The following HPSE2 variants were observed in gnomAD, a reference collection of about 807,000 sequenced individuals.
The protein encoded by HPSE2 is inactive heparanase-2.
HPSE2 carries 38 observed loss-of-function variants against 60.5 expected under a neutral mutation model. The observed-to-expected ratio is 0.63, with a 90% CI of 0.48 to 0.82. The LOEUF is 0.82. Ranked by LOEUF, HPSE2 falls within the 40% of genes least tolerant of loss-of-function variation. HPSE2 has a pLI of 0.00. For missense variants in HPSE2, 713 were observed against 740.4 expected, an observed-to-expected ratio of 0.96 and a Z score of 0.43; for synonymous variants, 295 against 293.2, an observed-to-expected ratio of 1.01 and a Z score of -0.06.
intron 5 of HPSE2, among the ~76,000 whole-genome samples, chr10:98,706,812 CCCTGTGTTG>C (rs1948559941): frequency 6.6e-6 from 1 of 152,258 alleles, no homozygotes; most frequent in East Asian, 1.9e-4. Context: ...CTAGGAGCTA[CCCTGTGTTG>C]CCTTTATAAG....
chr10:98,610,988 C>T (rs2133966846), intron 9 of HPSE2, among the ~76,000 whole-genome samples: 1 of 152,334 alleles, frequency 6.6e-6, no homozygotes, highest in South Asian at 2.1e-4. Context: ...ACTATGTCCA[C>T]CAAATGTGCA....
At chr10:98,477,728 T>C (rs1316012810) in intron 11 of HPSE2, among the ~76,000 whole-genome samples, 1 of 152,172 alleles carries the variant, frequency 6.6e-6, no homozygotes. Context: ...ATTTATCAGG[T>C]ACAAATGATT....
intron 4 of HPSE2, among the ~76,000 whole-genome samples, chr10:98,730,154 T>C (rs1271479824): frequency 1.3e-5 from 2 of 152,178 alleles, no homozygotes; most frequent in South Asian, 2.1e-4. Context: ...GGATGTGCTT[T>C]AATCACAATA....
chr10:98,919,545 A>T (rs1182508410), intron 3 of HPSE2, among the ~76,000 whole-genome samples: 1 of 152,208 alleles, frequency 6.6e-6, no homozygotes, highest in South Asian at 2.1e-4. Flanking sequence ...AACTAAGCTA[A>T]TCTAACAGTA....
intron 3 of HPSE2, among the ~76,000 whole-genome samples, chr10:99,143,865 C>G (rs1421565700): frequency 1.3e-5 from 2 of 152,102 alleles, no homozygotes; most frequent in Non-Finnish European, 2.9e-5. Context: ...ACCATTATCT[C>G]TTTTACATTT....
At chr10:99,250,041 G>A in the HPSE2 span, among the ~76,000 whole-genome samples, 6 of 151,870 alleles carry the variant, frequency 4.0e-5, no homozygotes, top group African/African-American at 1.4e-4. Flanking sequence ...TACTCAGGAG[G>A]CTGAGGCAGG....
intron 3 of HPSE2, among the ~76,000 whole-genome samples, chr10:98,808,905 A>T (rs192253764): frequency 3.3e-5 from 5 of 152,288 alleles, no homozygotes. Flanking sequence ...GCTAGAGCTT[A>T]TCTTAACTGA....
intron 2 of HPSE2, among the ~76,000 whole-genome samples, chr10:99,207,557 A>G (rs1848800556): frequency 2.0e-5 from 3 of 152,208 alleles, no homozygotes; most frequent in Admixed American, 1.3e-4. Flanking sequence ...CAAAATTACT[A>G]AAAGTACTAA....
intron 3 of HPSE2, among the ~76,000 whole-genome samples, chr10:99,026,294 C>T (rs1714937598): frequency 6.6e-6 from 1 of 151,858 alleles, no homozygotes; most frequent in Non-Finnish European, 1.5e-5. Context: ...ATATTCCATG[C>T]CAGTGGAAAC....
intron 11 of HPSE2, among the ~76,000 whole-genome samples, chr10:98,464,613 T>A (rs1940448667): frequency 6.6e-6 from 1 of 152,220 alleles, no homozygotes; most frequent in South Asian, 2.1e-4. Context: ...ACTTGTTTGA[T>A]CCCTCACTGG....
At chr10:99,307,488 C>T in the HPSE2 span, among the ~76,000 whole-genome samples, 1 of 152,160 alleles carries the variant, frequency 6.6e-6, no homozygotes, top group African/African-American at 2.4e-5. Flanking sequence ...GAGAAGTAGA[C>T]ACCAAGTGGC....
intron 2 of HPSE2, among the ~76,000 whole-genome samples, chr10:99,163,425 T>C (rs914855327): frequency 5.9e-5 from 9 of 152,140 alleles, no homozygotes; most frequent in Non-Finnish European, 1.3e-4. Context: ...CTCCTTCCTC[T>C]TTCCACCTCC....
intron 2 of HPSE2, among the ~76,000 whole-genome samples, chr10:99,178,497 C>T (rs867633707): frequency 4.4e-5 from 6 of 136,802 alleles, no homozygotes; most frequent in East Asian, 2.2e-4. Flanking sequence ...AACACCTCTA[C>T]GCAAATAAAC....
intron 9 of HPSE2, among the ~76,000 whole-genome samples, chr10:98,563,646 A>T (rs1248913499): frequency 2.0e-5 from 3 of 152,226 alleles, no homozygotes; most frequent in Non-Finnish European, 4.4e-5. Context: ...TACAAAGAAG[A>T]AACAACTTAC....
intron 2 of HPSE2, among the ~76,000 whole-genome samples, chr10:99,201,381 C>G (rs890834273): frequency 6.6e-5 from 10 of 152,108 alleles, no homozygotes; most frequent in African/African-American, 2.4e-4. Context: ...GCAACCTCAC[C>G]ACTATTCTAT....
At chr10:98,641,281 T>C (rs1044124314) in intron 7 of HPSE2, among the ~76,000 whole-genome samples, 3 of 152,132 alleles carry the variant, frequency 2.0e-5, no homozygotes, top group Admixed American at 2.0e-4. Context: ...AACAAATACT[T>C]CATATTAAAA....
intron 3 of HPSE2, among the ~76,000 whole-genome samples, chr10:99,010,301 G>GA (rs1202693514): frequency 6.6e-6 from 1 of 152,130 alleles, no homozygotes; most frequent in Non-Finnish European, 1.5e-5. Flanking sequence ...CATACTTGGG[G>GA]AAAAATGACC....
Position 98,615,054 on chromosome 10 carries a change from T to G in HPSE2, c.1206-36A>C, listed in dbSNP as rs1174340306. ...GAGAAAAAGAGCTACATCAATATATTTTTTAAATGGCATATAACAAGCTCT... is the reference window on the plus strand; with the variant it reads ...GAGAAAAAGAGCTACATCAATATATGTTTTAAATGGCATATAACAAGCTCT... On this transcript the variant is annotated intron_variant, in intron 8 of 11. Transcript: ENST00000370552. 8.3e-6 allele frequency: 12 copies of G among 1,454,128 alleles called. No individual in the cohort carries two copies. In the Admixed American group the frequency reaches 1.3e-4, roughly 16 times the overall value. 90.1% of individuals were successfully genotyped at this position (1,454,128 alleles called of 1,614,324 possible).
chr10:99,196,726 G>A (rs1198035095), intron 2 of HPSE2, among the ~76,000 whole-genome samples: 2 of 152,124 alleles, frequency 1.3e-5, no homozygotes, highest in Non-Finnish European at 2.9e-5. Flanking sequence ...ATGCTGGCAA[G>A]GATGTGCAGA....
Sources: allele counts gnomAD v4.1 joint callset (sites outside exome capture counted in the v4.1 genomes callset), GRCh38; gene constraint gnomAD v4.1.1; transcripts MANE v1.5; gene names NCBI Gene and HGNC (gene_info 2026-07-23, HGNC 2026-07-21).